ADAM9: variants seen among roughly 807,000 people sequenced by gnomAD.
ADAM9 encodes disintegrin and metalloproteinase domain-containing protein 9.
A neutral mutation model predicts 108.1 loss-of-function variants in ADAM9; 54 were observed. That is an observed-to-expected ratio of 0.50 (90% CI 0.40 to 0.63). The LOEUF (loss-of-function observed/expected upper bound fraction) is 0.63. ADAM9 is among the 20% of genes least tolerant of loss of function. ADAM9 has a pLI of 0.00. For missense variants in ADAM9, 830 were observed against 997.7 expected, an observed-to-expected ratio of 0.83 and a Z score of 2.26; for synonymous variants, 316 against 336.0, an observed-to-expected ratio of 0.94 and a Z score of 0.65.
chr8:39,035,988 T>C (rs1441888125), intron 11 of ADAM9, among the ~76,000 whole-genome samples: 1 of 152,124 alleles, frequency 6.6e-6, no homozygotes, highest in East Asian at 1.9e-4. Flanking sequence ...CTCTACTTCA[T>C]AGGCTGTTTA....
At chr8:39,067,524 G>A (rs1439085668) in intron 14 of ADAM9, among the ~76,000 whole-genome samples, 5 of 152,120 alleles carry the variant, frequency 3.3e-5, no homozygotes, top group African/African-American at 1.2e-4. Context: ...ATTGTGAATG[G>A]GAGTTCACTT....
chr8:39,101,050 A>G (rs1424851817), intron 20 of ADAM9, among the ~76,000 whole-genome samples: 2 of 152,218 alleles, frequency 1.3e-5, no homozygotes, highest in Non-Finnish European at 1.5e-5. Context: ...TTGGCAATAC[A>G]TTTTGGAAGA....
At chr8:39,030,924 A>G (rs1450095311) in intron 11 of ADAM9, among the ~76,000 whole-genome samples, 2 of 151,924 alleles carry the variant, frequency 1.3e-5, no homozygotes, top group African/African-American at 4.8e-5. Context: ...GTTTAATCAG[A>G]TTGTTTCTTT....
intron 15 of ADAM9, among the ~76,000 whole-genome samples, chr8:39,076,480 T>C (rs1838853469): frequency 6.6e-6 from 1 of 152,098 alleles, no homozygotes; most frequent in South Asian, 2.1e-4. Flanking sequence ...ATTAGAGATA[T>C]TGGGAAAATA....
At chr8:39,013,801 T>A (rs1836435110) in intron 3 of ADAM9, among the ~76,000 whole-genome samples, 164 bp from the exon 4 acceptor site, 1 of 152,118 alleles carries the variant, frequency 6.6e-6, no homozygotes, top group African/African-American at 2.4e-5. Context: ...TGCACCCAGC[T>A]GTTATGAGCT....
rs558333995 is a variant in ADAM9, at chr8:39,037,861, T to G, written c.1131-4085T>G. Among the ~76,000 whole-genome samples the G allele has an allele frequency of 5.2e-4, 79 of 152,356 alleles. No individual in the cohort carries two copies. The South Asian group carries it at 0.016, about 31-fold the overall frequency. ...TAATTATTTTATACTGCTTTGACAT[T>G]TTTACTTGATGTCTAATAGGCTCAA... On this transcript the variant is annotated intron_variant, in intron 11 of 21. Transcript: ENST00000487273.
At chr8:39,022,095 TGTGAGAGA>T (rs1564253986) in intron 8 of ADAM9, among the ~76,000 whole-genome samples, 2 of 144,550 alleles carry the variant, frequency 1.4e-5, no homozygotes, top group Non-Finnish European at 3.0e-5. Flanking sequence ...TGTGTGTGTG[TGTGAGAGA>T]GAGAGAGAGA....
At chr8:39,078,650 G>A (rs537477088) in intron 16 of ADAM9, among the ~76,000 whole-genome samples, 132 of 152,218 alleles carry the variant, frequency 8.7e-4, no homozygotes, top group Non-Finnish European at 1.5e-3. Flanking sequence ...GTGTGGTGGT[G>A]CATGCCTGTA....
chr8:39,093,941 T>G lies in ADAM9; in HGVS notation c.2298+2595T>G, dbSNP rs368910537. On this transcript the variant is annotated intron_variant, in intron 20 of 21. Transcript: ENST00000487273. ...TGTGCCACCCTGCCCAGCTAATTTT[T>G]ATATTTTTAGTAGAGAGACAGGGTT... Among the ~76,000 whole-genome samples, 3 of 152,268 alleles carry G rather than the reference T, an allele frequency of 2.0e-5. No individual in the cohort carries two copies. In the East Asian group the frequency reaches 5.8e-4, roughly 29 times the overall value.
intron 16 of ADAM9, among the ~76,000 whole-genome samples, chr8:39,081,482 A>C (rs1231821836): frequency 1.3e-5 from 2 of 152,224 alleles, no homozygotes; most frequent in African/African-American, 2.4e-5. Flanking sequence ...CTCTTGGTAA[A>C]TATCTCCTCT....
intron 10 of ADAM9, 108 bp from the exon 11 acceptor site, chr8:39,026,569 C>A: frequency 7.4e-7 from 1 of 1,350,376 alleles, no homozygotes; most frequent in Non-Finnish European, 1.1e-6. Context: ...ATCACGTAGG[C>A]TGTCAACAGT....
intron 8 of ADAM9, 108 bp downstream of exon 8, chr8:39,021,822 T>C: frequency 3.2e-6 from 3 of 944,854 alleles, no homozygotes; most frequent in Non-Finnish European, 5.1e-6. Context: ...AGGGCCTCAA[T>C]GACTTAGTCT....
chr8:39,037,427 T>C (rs1280257288), intron 11 of ADAM9, among the ~76,000 whole-genome samples: 2 of 147,204 alleles, frequency 1.4e-5, no homozygotes, highest in Admixed American at 1.4e-4. Flanking sequence ...TATATATATT[T>C]AAATATATAT....
Position 39,105,210 on chromosome 8 carries a change from ATGT to A in ADAM9, c.*1512_*1514del. ...AAAATTTCAGTTTTCTGAAGACAGC[ATGT>A]TATTTTAACAATCAAGTATACATAT... On this transcript the variant is annotated 3_prime_UTR_variant, in exon 22 of 22. Transcript: ENST00000487273. The A allele has an allele frequency of 2.3e-6, 1 of 442,294 alleles. No individual in the cohort carries two copies. The highest frequency in any genetic ancestry group is 1.6e-5 in the South Asian group (1 of 60,994). 27.4% of individuals were successfully genotyped at this position (442,294 alleles called of 1,614,324 possible).
intron 18 of ADAM9, among the ~76,000 whole-genome samples, chr8:39,087,836 A>G (rs901301343): frequency 1.3e-5 from 2 of 152,320 alleles, no homozygotes; most frequent in Non-Finnish European, 2.9e-5. Context: ...AACTCCCTGC[A>G]TAGTTGAAAA....
At chr8:39,025,534 A>G (rs1226240591) in intron 9 of ADAM9, among the ~76,000 whole-genome samples, 2 of 152,192 alleles carry the variant, frequency 1.3e-5, no homozygotes, top group African/African-American at 4.8e-5. Context: ...TGTATAAATA[A>G]ACCTAATGTA....
intron 14 of ADAM9, among the ~76,000 whole-genome samples, chr8:39,057,842 T>C (rs1202285198): frequency 6.6e-6 from 1 of 152,174 alleles, no homozygotes; most frequent in Non-Finnish European, 1.5e-5. Context: ...TCCGTAATTA[T>C]GTTTGATTAA....
intron 1 of ADAM9, among the ~76,000 whole-genome samples, chr8:39,006,196 T>G (rs1836155705): frequency 6.6e-6 from 1 of 152,226 alleles, no homozygotes; most frequent in Non-Finnish European, 1.5e-5. Context: ...AGTCAAAACT[T>G]GGTAAAATAA....
chr8:39,018,698 CA>C (rs1348842275), intron 6 of ADAM9, 154 bp from the exon 7 acceptor site: 2 of 734,114 alleles, frequency 2.7e-6, no homozygotes, highest in African/African-American at 3.5e-5. Flanking sequence ...GATAACACTT[CA>C]AAAAACATAT....
Sources: gnomAD v4.1 joint callset for allele counts (sites outside exome capture counted in the v4.1 genomes callset) on GRCh38, gnomAD v4.1.1 for gene constraint, MANE v1.5 for transcripts, NCBI Gene and HGNC (gene_info 2026-07-23, HGNC 2026-07-21) for gene names.